The following ZNF41 variants were observed in gnomAD, a reference collection of about 807,000 sequenced individuals.
ZNF41 encodes zinc finger protein 41.
A neutral mutation model predicts 9.3 loss-of-function variants in ZNF41; 6 were observed. The observed-to-expected ratio is 0.65, with a 90% CI of 0.35 to 1.28. The LOEUF is 1.28. Among genes scored for constraint, ZNF41 ranks in the 50% most tolerant of loss-of-function variants. The pLI, the probability that ZNF41 is intolerant of heterozygous loss-of-function variation, is 0.03. For synonymous variants in ZNF41, 192 were observed against 207.1 expected, an observed-to-expected ratio of 0.93 and a Z score of 0.63; for missense variants, 523 against 585.8, an observed-to-expected ratio of 0.89 and a Z score of 1.11.
chrX:47,462,669 CT>C (rs1288434101), intron 2 of ZNF41, among the ~76,000 whole-genome samples: 5 of 110,885 alleles, frequency 4.5e-5, no homozygotes, highest in Admixed American at 3.9e-4. Context: ...TTGGATTCTG[CT>C]GACTAATCTC....
chrX:47,475,024 C>T (rs1439594119), intron 1 of ZNF41, among the ~76,000 whole-genome samples: 3 of 102,974 alleles, frequency 2.9e-5, no homozygotes, highest in South Asian at 8.7e-4. Flanking sequence ...ACTAAAAATA[C>T]AAAAATTTAG....
In ZNF41 at chrX:47,453,908, C is replaced by T. The variant is rs745645235; in HGVS notation, c.295+2013G>A. On this transcript the variant is annotated intron_variant, in intron 4 of 4. Transcript: ENST00000684689. Reference sequence around the variant, plus strand: ...CCAACATGGCAAAACCCCATCTCTACTAAATATACAAGAATTAGCAGAGTA... The same window carrying T: ...CCAACATGGCAAAACCCCATCTCTATTAAATATACAAGAATTAGCAGAGTA... Among the ~76,000 whole-genome samples the T allele has an allele frequency of 3.6e-5, 4 of 110,851 alleles. No homozygotes were observed. The East Asian group carries it at 1.1e-3, about 31-fold the overall frequency.
At chrX:47,456,473 T>A in intron 2 of ZNF41, 75 bp from the exon 3 acceptor site, 11 of 1,184,499 alleles carry the variant, frequency 9.3e-6, no homozygotes, top group Non-Finnish European at 1.1e-5. Flanking sequence ...GCAAGTTGTT[T>A]TTAATGCTTT....
At chrX:47,466,319 C>T (rs2056983932) in intron 2 of ZNF41, among the ~76,000 whole-genome samples, 1 of 110,755 alleles carries the variant, frequency 9.0e-6, no homozygotes, top group Non-Finnish European at 1.9e-5. Context: ...AGGGAGCTGT[C>T]GGGCAGGGTC....
At chrX:47,476,921 T>C (rs1319932629) in intron 1 of ZNF41, 1 of 102,597 alleles carries the variant, frequency 9.7e-6, no homozygotes, top group East Asian at 3.4e-4. Flanking sequence ...CTGGGCATGG[T>C]GGTGGGTGCC....
At chrX:47,462,082 C>T (rs2056816894) in intron 2 of ZNF41, among the ~76,000 whole-genome samples, 1 of 109,211 alleles carries the variant, frequency 9.2e-6, no homozygotes, top group Admixed American at 1.0e-4. Flanking sequence ...CTCACTGCAG[C>T]CTCAAACTCC....
At chrX:47,471,639 G>C (rs751606371) in intron 1 of ZNF41, among the ~76,000 whole-genome samples, 3 of 110,578 alleles carry the variant, frequency 2.7e-5, no homozygotes, top group Non-Finnish European at 3.8e-5. Context: ...ACCTAAATTG[G>C]ACTACATTAA....
rs1034136886 is a variant in ZNF41 at position 47,448,760 on chromosome X, G to T, written c.1010C>A (p.Thr337Asn). 2.5e-6 allele frequency: 3 copies of T among 1,211,577 alleles called. No homozygotes were observed. The highest frequency in any genetic ancestry group is 3.4e-6 in the Non-Finnish European group (3 of 895,491). The change falls in exon 5 of 5, where the codon ACC (threonine) becomes AAC (asparagine). Residue 337 changes from threonine to asparagine, a missense_variant. Thr to Asn is a moderately conservative substitution (Grantham distance 65). Transcript: ENST00000684689. ...ATGTGTAATGAGGTTTGATTTGAGG[G>T]TAAAGACTTTCCCACATTGAGTACA... ...YLCTQCGKVFTLKSNLITHQK... is the reference protein window; with the variant it reads ...YLCTQCGKVFNLKSNLITHQK...
Position 47,448,540 on chromosome X carries a change from G to A in ZNF41, c.1230C>T (p.His410=). 8.3e-7 allele frequency: 1 copy of A among 1,211,764 alleles called. No homozygotes were observed. Among genetic ancestry groups the A allele is most frequent in the Non-Finnish European group, 1.1e-6 (1 of 895,561 alleles). ...IHQKTHTGEK[H]YECNECGKAF... ...CCTTCCCACATTCATTGCATTCATAGTGTTTCTCTCCGGTATGAGTTTTCT... is the reference window on the plus strand; with the variant it reads ...CCTTCCCACATTCATTGCATTCATAATGTTTCTCTCCGGTATGAGTTTTCT... The change falls in exon 5 of 5, where the codon CAC becomes CAT. Residue 410 remains histidine, a synonymous_variant. Coordinates refer to ENST00000684689, the MANE Select transcript of ZNF41 (RefSeq NM_001324144.2).
At chrX:47,472,342 C>T (rs892557230) in intron 1 of ZNF41, among the ~76,000 whole-genome samples, 3 of 110,036 alleles carry the variant, frequency 2.7e-5, no homozygotes, top group African/African-American at 9.9e-5. Context: ...AAGCATGAGT[C>T]TCATCCCATG....
chrX:47,480,670 A>G (rs1243580681), intron 1 of ZNF41, among the ~76,000 whole-genome samples: 1 of 109,312 alleles, frequency 9.1e-6, no homozygotes, highest in African/African-American at 3.3e-5. Flanking sequence ...AATTAGTAAG[A>G]AAGACAAACC....
intron 1 of ZNF41, among the ~76,000 whole-genome samples, chrX:47,478,271 C>T (rs920849727): frequency 8.9e-6 from 1 of 111,825 alleles, no homozygotes; most frequent in Non-Finnish European, 1.9e-5. Context: ...TTTGGGAGGC[C>T]GAGGCAGGTA....
intron 1 of ZNF41, among the ~76,000 whole-genome samples, chrX:47,473,501 G>T (rs533902253): frequency 1.8e-5 from 2 of 111,436 alleles, no homozygotes; most frequent in East Asian, 2.8e-4. Flanking sequence ...AAACCTTCAG[G>T]ATCATTCAAC....
intron 2 of ZNF41, among the ~76,000 whole-genome samples, chrX:47,460,927 C>T (rs1358927655): frequency 9.0e-6 from 1 of 110,741 alleles, no homozygotes; most frequent in Non-Finnish European, 1.9e-5. Flanking sequence ...AATATGTGCA[C>T]ATGTACAACA....
Position 47,449,311 on chromosome X carries a change from G to A in ZNF41, c.459C>T (p.Asn153=), listed in dbSNP as rs985954053. 4 of 1,210,947 alleles carry A rather than the reference G, an allele frequency of 3.3e-6. No homozygotes were observed. Among genetic ancestry groups the A allele is most frequent in the Non-Finnish European group, 3.4e-6 (3 of 895,218 alleles). Residue 153 remains asparagine, a synonymous_variant, in exon 5 of 5, where the codon AAC becomes AAT. Transcript: ENST00000684689. ...TCAATACTTTCACATGACTTAAAAG[G>A]TTATTCTGGTTTTCCTGACGTTGCT... ...QLEQRQENQN[N]LLSHVKVLIK...
chrX:47,452,063 G>T (rs1211535737), intron 4 of ZNF41, among the ~76,000 whole-genome samples: 1 of 111,551 alleles, frequency 9.0e-6, no homozygotes, highest in Non-Finnish European at 1.9e-5. Context: ...GGATGAGGAG[G>T]GTTTGCTTCC....
chrX:47,474,252 A>G (rs909949717), intron 1 of ZNF41, among the ~76,000 whole-genome samples: 1 of 111,466 alleles, frequency 9.0e-6, no homozygotes, highest in Middle Eastern at 4.2e-3. Flanking sequence ...GGATCACCTG[A>G]GATCAGGAGT....
intron 1 of ZNF41, among the ~76,000 whole-genome samples, chrX:47,474,593 A>G (rs1410772415): frequency 9.2e-6 from 1 of 108,710 alleles, no homozygotes; most frequent in East Asian, 3.0e-4. Context: ...AGACTATAAA[A>G]GGTCTGGGTA....
chrX:47,449,156 T>A lies in ZNF41; in HGVS notation c.614A>T (p.His205Leu), dbSNP rs1220242896. ...GTTCTTTGTTGCACTGTTTCTATTATGATTATGTGAGTTTAAAGTATGCTT... is the reference window on the plus strand; with the variant it reads ...GTTCTTTGTTGCACTGTTTCTATTAAGATTATGTGAGTTTAAAGTATGCTT... Reference protein sequence around the residue: ...ILKHTLNSHNHNRNSATKNLG... With the variant: ...ILKHTLNSHNLNRNSATKNLG... Residue 205 changes from histidine to leucine, a missense_variant, in exon 5 of 5, where the codon CAT becomes CTT. His to Leu is a moderately conservative substitution (Grantham distance 99, BLOSUM62 -3). Transcript: ENST00000684689. The A allele has an allele frequency of 8.3e-7, 1 of 1,211,831 alleles. No individual in the cohort carries two copies. Among genetic ancestry groups the A allele is most frequent in the East Asian group, 3.0e-5 (1 of 33,837 alleles).
Sources: allele counts gnomAD v4.1 joint callset (sites outside exome capture counted in the v4.1 genomes callset), GRCh38; gene constraint gnomAD v4.1.1; transcripts MANE v1.5; gene names NCBI Gene and HGNC (gene_info 2026-07-23, HGNC 2026-07-21).